Variants in TRPC4 observed in about 807,000 individuals in gnomAD.
The protein encoded by TRPC4 is transient receptor potential cation channel subfamily C member 4.
In TRPC4, 49 loss-of-function variants were observed where a neutral mutation model predicts 99.4. The observed-to-expected ratio is 0.49, with a 90% CI of 0.39 to 0.63. The LOEUF (loss-of-function observed/expected upper bound fraction) is 0.63, where lower values mean the gene tolerates loss of function less well. Ranked by LOEUF, TRPC4 falls within the 20% of genes least tolerant of loss-of-function variation. The probability of loss-of-function intolerance (pLI) is 0.00; values close to 1 mark genes in which losing one functional copy is unlikely to be tolerated. For missense variants in TRPC4, 898 were observed against 1,152.9 expected (o/e 0.78, Z 3.20); for synonymous variants, 454 against 425.9 (o/e 1.07, Z -0.81).
intron 1 of TRPC4, among the ~76,000 whole-genome samples, chr13:37,835,226 G>A (rs1234856979): frequency 6.6e-6 from 1 of 152,026 alleles, no homozygotes; most frequent in African/African-American, 2.4e-5. Flanking sequence ...TCTCTTCGGT[G>A]GCTCTTAATA....
chr13:37,859,360 G>A (rs963414530), intron 1 of TRPC4, among the ~76,000 whole-genome samples: 1 of 151,322 alleles, frequency 6.6e-6, no homozygotes, highest in East Asian at 1.9e-4. Context: ...TTTTCTGAAA[G>A]TAATGAAAGA....
intron 4 of TRPC4, among the ~76,000 whole-genome samples, chr13:37,678,497 A>C (rs1342591195): frequency 2.0e-5 from 3 of 152,054 alleles, no homozygotes; most frequent in African/African-American, 7.2e-5. Flanking sequence ...ATGCTCATAC[A>C]TTTCACAACT....
At chr13:37,742,804 T>C (rs1000819042) in intron 3 of TRPC4, among the ~76,000 whole-genome samples, 1 of 152,198 alleles carries the variant, frequency 6.6e-6, no homozygotes, top group African/African-American at 2.4e-5. Flanking sequence ...ATGATCTTAC[T>C]AGAAAACCTT....
At chr13:37,854,083 A>G (rs1024399402) in intron 1 of TRPC4, among the ~76,000 whole-genome samples, 2 of 152,144 alleles carry the variant, frequency 1.3e-5, no homozygotes, top group African/African-American at 4.8e-5. Context: ...AAGGTTATAG[A>G]ACACCTAGCA....
intron 3 of TRPC4, among the ~76,000 whole-genome samples, chr13:37,739,187 G>A (rs553711726): frequency 1.3e-5 from 2 of 152,218 alleles, no homozygotes; most frequent in African/African-American, 2.4e-5. Flanking sequence ...TATAATATAA[G>A]GGAAGGTTTT....
intron 3 of TRPC4, among the ~76,000 whole-genome samples, chr13:37,699,330 A>G (rs1359056314): frequency 6.6e-6 from 1 of 152,162 alleles, no homozygotes; most frequent in African/African-American, 2.4e-5. Flanking sequence ...ATATACATAT[A>G]CAATCACTTA....
chr13:37,660,609 T>C (rs954617049), intron 6 of TRPC4, among the ~76,000 whole-genome samples: 2 of 152,162 alleles, frequency 1.3e-5, no homozygotes, highest in Non-Finnish European at 2.9e-5. Context: ...TGAAACCTTA[T>C]GAGAGATATG....
At chr13:37,821,289 A>G (rs1958004715) in intron 1 of TRPC4, among the ~76,000 whole-genome samples, 2 of 151,912 alleles carry the variant, frequency 1.3e-5, no homozygotes, top group South Asian at 4.2e-4. Context: ...TAAGAATTAC[A>G]AAACACTGCT....
intron 3 of TRPC4, among the ~76,000 whole-genome samples, chr13:37,727,033 TC>T (rs1414652196): frequency 6.6e-6 from 1 of 152,014 alleles, no homozygotes; most frequent in Non-Finnish European, 1.5e-5. Context: ...AGAATAATCT[TC>T]CTTTAAGTAA....
At chr13:37,716,693 A>C (rs1346170150) in intron 3 of TRPC4, among the ~76,000 whole-genome samples, 1 of 152,144 alleles carries the variant, frequency 6.6e-6, no homozygotes, top group East Asian at 1.9e-4. Context: ...TTTTAACATA[A>C]AATTTCAGAT....
chr13:37,773,660 T>C (rs930547690), intron 2 of TRPC4, among the ~76,000 whole-genome samples: 2 of 151,724 alleles, frequency 1.3e-5, no homozygotes, highest in Admixed American at 6.6e-5. Flanking sequence ...ATGACAATAA[T>C]GAAAGAACTT....
intron 1 of TRPC4, among the ~76,000 whole-genome samples, chr13:37,847,240 T>C (rs549321085): frequency 9.2e-5 from 14 of 152,216 alleles, no homozygotes; most frequent in Admixed American, 2.6e-4. Flanking sequence ...AGGATTCACA[T>C]TCTTCTCAAG....
intron 2 of TRPC4, among the ~76,000 whole-genome samples, chr13:37,766,961 T>G (rs1463059148): frequency 6.6e-6 from 1 of 151,516 alleles, no homozygotes; most frequent in Non-Finnish European, 1.5e-5. Flanking sequence ...GTTTTTATTT[T>G]TCTATTAATG....
rs532828870 is a variant in TRPC4 at position 37,813,518 on chromosome 13, T to C, written c.-27-30158A>G. 1.3e-4 allele frequency among the ~76,000 whole-genome samples: 20 copies of C among 151,624 alleles called. 1 individual carries two copies. The highest frequency in any genetic ancestry group is 2.6e-4 in the Admixed American group (4 of 15,186). On this transcript the variant is annotated intron_variant, in intron 1 of 10. Coordinates refer to ENST00000379705, the MANE Select transcript of TRPC4 (RefSeq NM_016179.4). ...GACCAAGGGGAAAAAAAAGAGAAGA[T>C]GCAAATTATGAAAATTAAGACTTAA...
intron 4 of TRPC4, among the ~76,000 whole-genome samples, chr13:37,689,832 C>A (rs1475633299): frequency 2.6e-5 from 4 of 152,148 alleles, no homozygotes; most frequent in African/African-American, 7.2e-5. Context: ...TATCACAAAT[C>A]TATTTGTTTA....
At chr13:37,785,298 C>T (rs1956940436) in intron 1 of TRPC4, among the ~76,000 whole-genome samples, 1 of 151,988 alleles carries the variant, frequency 6.6e-6, no homozygotes, top group Non-Finnish European at 1.5e-5. Flanking sequence ...CACCTTTTTT[C>T]TCATTCCCAG....
intron 1 of TRPC4, among the ~76,000 whole-genome samples, chr13:37,859,023 A>T (rs1463682575): frequency 6.6e-6 from 1 of 151,422 alleles, no homozygotes; most frequent in Non-Finnish European, 1.5e-5. Context: ...GCGTGCCTGC[A>T]TCAAAATATC....
intron 1 of TRPC4, among the ~76,000 whole-genome samples, chr13:37,807,224 G>C (rs1213614461): frequency 6.6e-6 from 1 of 151,430 alleles, no homozygotes; most frequent in Non-Finnish European, 1.5e-5. Context: ...TTCTTACCAG[G>C]CCTCAAAACC....
chr13:37,733,997 A>G lies in TRPC4; in HGVS notation c.897+11940T>C, dbSNP rs145606164. 8.2e-3 allele frequency among the ~76,000 whole-genome samples: 1,242 copies of G among 152,220 alleles called. 15 individuals are homozygous for G. The highest frequency in any genetic ancestry group is 0.029 in the African/African-American group (1,189 of 41,542). On this transcript the variant is annotated intron_variant, in intron 3 of 10. Coordinates refer to ENST00000379705, the MANE Select transcript of TRPC4 (RefSeq NM_016179.4). The stretch of plus-strand genomic sequence containing the variant: ...AGGTGATAATATGAGCTGAGACCCA[A>G]CAGAGGAGCCATTCACACTTGCCCA...
Sources: gnomAD v4.1 joint callset for allele counts (sites outside exome capture counted in the v4.1 genomes callset) on GRCh38, gnomAD v4.1.1 for gene constraint, MANE v1.5 for transcripts, NCBI Gene and HGNC (gene_info 2026-07-23, HGNC 2026-07-21) for gene names.